The following F13A1 variants were observed in gnomAD, a reference collection of about 807,000 sequenced individuals.
F13A1 encodes FSF, A subunit.
Under a neutral mutation model 80.1 loss-of-function variants are expected in F13A1, and 47 were observed. That is an observed-to-expected ratio of 0.59 (90% CI 0.46 to 0.75). The LOEUF (loss-of-function observed/expected upper bound fraction) is 0.75, where lower values mean the gene tolerates loss of function less well. Among genes scored for constraint, F13A1 ranks in the 30% least tolerant of loss-of-function variants. The pLI is 0.00. For missense variants in F13A1, 817 were observed against 930.4 expected, an observed-to-expected ratio of 0.88 and a Z score of 1.59; for synonymous variants, 349 against 344.9, an observed-to-expected ratio of 1.01 and a Z score of -0.13.
intron 4 of F13A1, among the ~76,000 whole-genome samples, chr6:6,264,448 G>A (rs1435981776): frequency 6.6e-6 from 1 of 152,038 alleles, no homozygotes; most frequent in African/African-American, 2.4e-5. Context: ...CTTAGAATAG[G>A]TTGCTTCCTA....
At position 6,145,612 on chromosome 6, in the gene F13A1, T is replaced by C. The variant is rs1368602577; in HGVS notation, c.*7A>G. 1 of 1,614,032 alleles carries C rather than the reference T, an allele frequency of 6.2e-7. No homozygotes were observed. Among genetic ancestry groups the C allele is most frequent in the African/African-American group, 1.3e-5 (1 of 74,932 alleles). On this transcript the variant is annotated 3_prime_UTR_variant, in exon 15 of 15. Coordinates refer to ENST00000264870, the MANE Select transcript of F13A1 (RefSeq NM_000129.4). ...AATGCCAGGGTTCATCTCAGCTTCC[T>C]GTGCATTCACATGGAAGGTCGTCTT... is the stretch of plus-strand genomic sequence containing the variant.
chr6:6,145,855 T>C, intron 14 of F13A1, 83 bp from the exon 15 acceptor site: 1 of 1,582,648 alleles, frequency 6.3e-7, no homozygotes, highest in South Asian at 1.1e-5. Context: ...CTTGCCTAAG[T>C]CACTTGCTTT....
chr6:6,286,634 T>G (rs1219726969), intron 3 of F13A1, among the ~76,000 whole-genome samples: 1 of 152,180 alleles, frequency 6.6e-6, no homozygotes, highest in Non-Finnish European at 1.5e-5. Context: ...GGGACTCCAG[T>G]ACATTTGCTG....
intron 13 of F13A1, among the ~76,000 whole-genome samples, chr6:6,160,742 A>G (rs1469345778): frequency 6.6e-6 from 1 of 152,240 alleles, no homozygotes; most frequent in Non-Finnish European, 1.5e-5. Flanking sequence ...GTGACTAAAT[A>G]AAGAGATAAA....
intron 6 of F13A1, among the ~76,000 whole-genome samples, chr6:6,238,841 A>G (rs1478201670): frequency 1.3e-5 from 2 of 152,116 alleles, no homozygotes; most frequent in Non-Finnish European, 2.9e-5. Context: ...GTTAAAATTA[A>G]AAAGGTTCAA....
intron 13 of F13A1, among the ~76,000 whole-genome samples, chr6:6,159,529 G>A (rs1760537157): frequency 6.6e-6 from 1 of 152,126 alleles, no homozygotes; most frequent in Admixed American, 6.5e-5. Context: ...CCTTTTTTGG[G>A]GGGATGTGGC....
chr6:6,233,425 A>G (rs1757376983), intron 6 of F13A1, among the ~76,000 whole-genome samples: 1 of 152,180 alleles, frequency 6.6e-6, no homozygotes. Context: ...GAACAGACCA[A>G]TAACAAGCAG....
intron 3 of F13A1, among the ~76,000 whole-genome samples, chr6:6,280,272 G>T (rs1175987450): frequency 6.6e-6 from 1 of 152,256 alleles, no homozygotes; most frequent in Middle Eastern, 3.4e-3. Context: ...TGCTCAATGG[G>T]TTTATAATTA....
At chr6:6,183,728 C>T (rs1761028693) in intron 10 of F13A1, among the ~76,000 whole-genome samples, 1 of 152,066 alleles carries the variant, frequency 6.6e-6, no homozygotes, top group African/African-American at 2.4e-5. Flanking sequence ...CAAGGTGAAA[C>T]CTAGATGGCA....
rs1380447934 is a variant in F13A1 at position 6,174,789 on chromosome 6, A to T, written c.1538T>A (p.Met513Lys). 1.1e-5 allele frequency: 17 copies of T among 1,614,036 alleles called. No individual in the cohort carries two copies. The highest frequency in any genetic ancestry group is 1.4e-5 in the Non-Finnish European group (16 of 1,180,024). Residue 513 changes from methionine to lysine, a missense_variant, in exon 12 of 15, where the codon ATG becomes AAG. By Grantham distance (95) the Met-to-Lys change is moderately conservative. Coordinates refer to ENST00000264870, the MANE Select transcript of F13A1 (RefSeq NM_000129.4). ...AKKPLNTEGV[M>K]KSRSNVDMDF... ...CATGTCAACGTTGGACCTTGATTTC[A>T]TGACACCTTCTGTGTTGAGGGGCTT...
intron 2 of F13A1, among the ~76,000 whole-genome samples, chr6:6,308,048 C>G (rs1758537956): frequency 6.6e-6 from 1 of 151,686 alleles, no homozygotes; most frequent in South Asian, 2.1e-4. Flanking sequence ...GAGTCTTGCT[C>G]TGTTACCCAG....
chr6:6,288,949 C>A (rs1215197444), intron 3 of F13A1, among the ~76,000 whole-genome samples: 1 of 152,192 alleles, frequency 6.6e-6, no homozygotes, highest in Non-Finnish European at 1.5e-5. Context: ...TTGGTGTCTT[C>A]TTTTGAGAAA....
chr6:6,193,389 C>T (rs548003717), intron 10 of F13A1, among the ~76,000 whole-genome samples: 221 of 152,134 alleles, frequency 1.5e-3, no homozygotes, highest in Non-Finnish European at 2.4e-3. Flanking sequence ...GCAGCAAGGA[C>T]GAGGGAGAGC....
At chr6:6,151,683 G>T (rs759675380) in intron 14 of F13A1, 130 bp downstream of exon 14, 1 of 1,280,240 alleles carries the variant, frequency 7.8e-7, no homozygotes, top group Non-Finnish European at 1.1e-6. Context: ...TACAGAAATG[G>T]TCGGCAAGGA....
chr6:6,172,515 G>A (rs1319061523), intron 12 of F13A1, among the ~76,000 whole-genome samples: 1 of 149,684 alleles, frequency 6.7e-6, no homozygotes, highest in Non-Finnish European at 1.5e-5. Context: ...GCACGATCTT[G>A]GCTCACTGCA....
chr6:6,296,621 G>T (rs1333864385), intron 3 of F13A1, among the ~76,000 whole-genome samples: 2 of 150,062 alleles, frequency 1.3e-5, no homozygotes, highest in Non-Finnish European at 3.0e-5. Context: ...TGCTGAAGTT[G>T]CTTATCAGCT....
chr6:6,318,549 C>T lies in F13A1; in HGVS notation c.116G>A (p.Gly39Asp), dbSNP rs1758721012. 2 of 1,613,284 alleles carry T rather than the reference C, an allele frequency of 1.2e-6. No individual in the cohort carries two copies. Among genetic ancestry groups the T allele is most frequent in the Non-Finnish European group, 1.7e-6 (2 of 1,179,730 alleles). ...TVELQGVVPR[G>D]VNLQEFLNVT... ...TATGCTCATACCTTGCAGGTTGACG[C>T]CCCGGGGCACCACGCCCTGAAGCTC... Residue 39 changes from glycine (G) to aspartate (D), a missense_variant, in exon 2 of 15, where the codon GGC becomes GAC. Coordinates refer to ENST00000264870, the MANE Select transcript of F13A1 (RefSeq NM_000129.4).
intron 8 of F13A1, among the ~76,000 whole-genome samples, chr6:6,215,935 A>C (rs572554472): frequency 7.4e-6 from 1 of 134,416 alleles, no homozygotes; most frequent in African/African-American, 2.9e-5. Flanking sequence ...AATTGCTAAA[A>C]AGAGAATAAA....
intron 10 of F13A1, among the ~76,000 whole-genome samples, chr6:6,189,629 C>A (rs201918048): frequency 3.0e-5 from 4 of 134,410 alleles, no homozygotes; most frequent in African/African-American, 1.0e-4. Context: ...CAGGGTAACC[C>A]GACCTTTCTC....
Sources: allele counts gnomAD v4.1 joint callset (sites outside exome capture counted in the v4.1 genomes callset), GRCh38; gene constraint gnomAD v4.1.1; transcripts MANE v1.5; gene names NCBI Gene and HGNC (gene_info 2026-07-23, HGNC 2026-07-21).